The following PCDHGA10 variants were observed in gnomAD, a reference collection of about 807,000 sequenced individuals.
PCDHGA10 encodes the protein protocadherin gamma subfamily A, 10, also known as protocadherin gamma-A10.
PCDHGA10 carries 42 observed loss-of-function variants against 59.5 expected under a neutral mutation model. The ratio of observed to expected loss-of-function variants is 0.71; its 90% CI spans 0.55 to 0.91. The LOEUF is 0.91. Ranked by LOEUF, PCDHGA10 falls within the 40% of genes least tolerant of loss-of-function variation. The pLI is 0.00. For synonymous variants in PCDHGA10, 511 were observed against 517.2 expected, an observed-to-expected ratio of 0.99 and a Z score of 0.16; for missense variants, 1,111 against 1,198.2, an observed-to-expected ratio of 0.93 and a Z score of 1.07.
At chr5:141,441,863 C>A in intron 1 of PCDHGA10, 2 of 342,418 alleles carry the variant, frequency 5.8e-6, no homozygotes, top group African/African-American at 2.2e-5. Flanking sequence ...CTGCACGCCG[C>A]GGAGCCTGGC....
At chr5:141,415,656 T>C (rs1211470385) in intron 1 of PCDHGA10, 45 bp downstream of exon 1, 9 of 1,585,542 alleles carry the variant, frequency 5.7e-6, no homozygotes, top group African/African-American at 1.4e-5. Flanking sequence ...AAAAAAAGAT[T>C]GGTTTTTACT....
intron 1 of PCDHGA10, among the ~76,000 whole-genome samples, chr5:141,438,935 G>A (rs1306603362): frequency 6.6e-6 from 1 of 151,810 alleles, no homozygotes; most frequent in African/African-American, 2.4e-5. Context: ...CAAAGTGCTG[G>A]GATTATAGGC....
Position 141,504,006 on chromosome 5 carries a change from G to C in PCDHGA10, c.2496-1387G>C, listed in dbSNP as rs138738950. Among the ~76,000 whole-genome samples, 1,431 of 152,182 alleles carry C rather than the reference G, an allele frequency of 9.4e-3. 31 individuals are homozygous for C. The highest frequency in any genetic ancestry group is 0.033 in the African/African-American group (1,367 of 41,490). On this transcript the variant is annotated intron_variant, in intron 2 of 3. Coordinates refer to ENST00000398610, the MANE Select transcript of PCDHGA10 (RefSeq NM_018913.3). The stretch of plus-strand genomic sequence containing the variant: ...CTTCTTACCTTACAGTCACTTAACT[G>C]TCTCTGCTGGTCTCTTCCCACTCAT...
chr5:141,419,846 G>T (rs1407937968), intron 1 of PCDHGA10: 2 of 1,614,066 alleles, frequency 1.2e-6, no homozygotes, highest in Non-Finnish European at 1.7e-6. Context: ...GCTGCACCTG[G>T]TGTTCGCAGA....
intron 1 of PCDHGA10, among the ~76,000 whole-genome samples, chr5:141,433,974 C>A (rs1045247496): frequency 6.6e-6 from 1 of 152,026 alleles, no homozygotes; most frequent in Non-Finnish European, 1.5e-5. Context: ...GGCTTTCTAC[C>A]TTGAAGAAGA....
rs185055424 is a variant in PCDHGA10, at chr5:141,457,894, G to A, written c.2437-36913G>A. Among the ~76,000 whole-genome samples the A allele has an allele frequency of 3.2e-3, 488 of 152,332 alleles. 1 individual carries two copies. Among genetic ancestry groups the A allele is most frequent in the Non-Finnish European group, 5.0e-3 (342 of 68,028 alleles). On this transcript the variant is annotated intron_variant, in intron 1 of 3. Transcript: ENST00000398610. ...GTTAGGAACCCTGTGTGGGGACTGT[G>A]TAGACAAGGTGTGAGGCCAGTTCTC...
chr5:141,423,501 C>G, intron 1 of PCDHGA10: 1 of 1,613,990 alleles, frequency 6.2e-7, no homozygotes, highest in African/African-American at 1.3e-5. Flanking sequence ...CCCACGAGGT[C>G]TCTCTCATTG....
intron 1 of PCDHGA10, chr5:141,475,850 G>A (rs2099376325): frequency 1.9e-5 from 9 of 464,524 alleles, no homozygotes; most frequent in Middle Eastern, 5.9e-4. Context: ...AGAGAGCCCG[G>A]CGCTAGCTCA....
chr5:141,427,138 A>G (rs1397576025), intron 1 of PCDHGA10: 1 of 456,954 alleles, frequency 2.2e-6, no homozygotes, highest in Non-Finnish European at 4.4e-6. Context: ...CTACGAGATG[A>G]TATTGGAAAT....
chr5:141,417,599 C>G (rs1036283292), intron 1 of PCDHGA10: 4 of 500,492 alleles, frequency 8.0e-6, no homozygotes, highest in African/African-American at 7.8e-5. Flanking sequence ...CTCTGGGCGC[C>G]GCCGTCGGCC....
chr5:141,482,248 C>G (rs1056466272), intron 1 of PCDHGA10, among the ~76,000 whole-genome samples: 1 of 152,084 alleles, frequency 6.6e-6, no homozygotes, highest in African/African-American at 2.4e-5. Context: ...AAGTATAGTA[C>G]TGTACATATT....
chr5:141,417,963 A>T (rs1260025037), intron 1 of PCDHGA10: 1 of 1,613,258 alleles, frequency 6.2e-7, no homozygotes, highest in Non-Finnish European at 8.5e-7. Flanking sequence ...CCGATCCGCT[A>T]CTCGATTCCG....
Position 141,489,653 on chromosome 5 carries a change from G to C in PCDHGA10, c.2437-5154G>C. ...TCTCCTAGCTTTGCCACCCCTGAGCGAGAGATGCGCATCTCAGAATCAGCA... is the reference window on the plus strand; with the variant it reads ...TCTCCTAGCTTTGCCACCCCTGAGCCAGAGATGCGCATCTCAGAATCAGCA... On this transcript the variant is annotated intron_variant, in intron 1 of 3. Coordinates refer to ENST00000398610, the MANE Select transcript of PCDHGA10 (RefSeq NM_018913.3). The surrounding 1 kb of genome is among the most constrained non-coding windows in gnomAD (Gnocchi z 4.5). 3 of 1,614,164 alleles carry C rather than the reference G, an allele frequency of 1.9e-6. No individual in the cohort carries two copies. The highest frequency in any genetic ancestry group is 2.5e-6 in the Non-Finnish European group (3 of 1,180,018).
intron 1 of PCDHGA10, chr5:141,441,209 G>A (rs1276958461): frequency 1.3e-5 from 2 of 152,158 alleles, no homozygotes; most frequent in East Asian, 3.9e-4. Flanking sequence ...TCTGCACCTT[G>A]GACAGTAATC....
chr5:141,458,506 A>G (rs1443711702), intron 1 of PCDHGA10, among the ~76,000 whole-genome samples: 1 of 150,282 alleles, frequency 6.7e-6, no homozygotes, highest in Non-Finnish European at 1.5e-5. Flanking sequence ...ATACTGTTTG[A>G]CACTTTGTTT....
At chr5:141,502,739 A>C (rs1287180048) in intron 2 of PCDHGA10, among the ~76,000 whole-genome samples, 1 of 152,070 alleles carries the variant, frequency 6.6e-6, no homozygotes, top group Non-Finnish European at 1.5e-5. Flanking sequence ...ATGTTCTGTC[A>C]TTCCTTCTAC....
At chr5:141,422,950 G>A (rs1388735971) in intron 1 of PCDHGA10, 2 of 1,614,230 alleles carry the variant, frequency 1.2e-6, no homozygotes, top group South Asian at 1.1e-5. Flanking sequence ...CGGCTCCACT[G>A]GCGTGGAGCT....
chr5:141,457,337 TTAC>T (rs1446765287), intron 1 of PCDHGA10, among the ~76,000 whole-genome samples: 2 of 152,202 alleles, frequency 1.3e-5, no homozygotes, highest in Non-Finnish European at 2.9e-5. Flanking sequence ...GGTACCTTAC[TTAC>T]TTTCATTACC....
At position 141,486,090 on chromosome 5, in the gene PCDHGA10, G is replaced by C. The variant is rs190955361; in HGVS notation, c.2437-8717G>C. On this transcript the variant is annotated intron_variant, in intron 1 of 3. Transcript: ENST00000398610. The surrounding 1 kb of genome is among the most constrained non-coding windows in gnomAD (Gnocchi z 5.0). ...ACTACTGGAAAGCTTACTCTTTTGG[G>C]GCCCCTAGACTTTGAGAGTGAGAAT... 4 of 1,614,086 alleles carry C rather than the reference G, an allele frequency of 2.5e-6. No individual in the cohort carries two copies. The Admixed American group carries it at 6.7e-5, about 27-fold the overall frequency.
Sources: gnomAD v4.1 joint callset for allele counts (sites outside exome capture counted in the v4.1 genomes callset) on GRCh38, gnomAD v4.1.1 for gene constraint, Gnocchi (gnomAD v3.1) non-coding constraint, MANE v1.5 for transcripts, NCBI Gene and HGNC (gene_info 2026-07-23, HGNC 2026-07-21) for gene names.